LINGO2: variants seen among roughly 807,000 people sequenced by gnomAD.
LINGO2 encodes leucine rich repeat and Ig domain containing 2.
In LINGO2, 14 loss-of-function variants were observed where a neutral mutation model predicts 30.6. The ratio of observed to expected loss-of-function variants is 0.46; its 90% confidence interval spans 0.30 to 0.72. The LOEUF is 0.72. Among genes scored for constraint, LINGO2 ranks in the 30% least tolerant of loss-of-function variants. The pLI is 0.07. For synonymous variants in LINGO2, 317 were observed against 288.5 expected, an observed-to-expected ratio of 1.10 and a Z score of -1.00; for missense variants, 729 against 751.7, an observed-to-expected ratio of 0.97 and a Z score of 0.35.
chr9:29,113,517 A>C, the LINGO2 span, among the ~76,000 whole-genome samples: 1 of 152,194 alleles, frequency 6.6e-6, no homozygotes, highest in Non-Finnish European at 1.5e-5. Flanking sequence ...CTGAGGATTC[A>C]CAGAACAAAC....
intron 4 of LINGO2, among the ~76,000 whole-genome samples, chr9:28,092,656 C>A (rs1381190600): frequency 2.0e-5 from 3 of 151,690 alleles, no homozygotes; most frequent in African/African-American, 7.3e-5. Context: ...TGTAACAAAC[C>A]TGCACGTTGT....
chr9:28,797,349 T>TAGAG, the LINGO2 span, among the ~76,000 whole-genome samples: 132 of 64,462 alleles, frequency 2.0e-3, 1 homozygote, highest in Non-Finnish European at 3.0e-3. Context: ...TATATATATA[T>TAGAG]ATATATATAT....
At chr9:29,209,442 T>C in the LINGO2 span, among the ~76,000 whole-genome samples, 5 of 152,308 alleles carry the variant, frequency 3.3e-5, no homozygotes, top group South Asian at 6.2e-4. Flanking sequence ...CTGACCATTA[T>C]AAAGTAACTG....
the LINGO2 span, among the ~76,000 whole-genome samples, chr9:29,119,535 T>C: frequency 6.6e-6 from 1 of 151,292 alleles, no homozygotes; most frequent in Non-Finnish European, 1.5e-5. Context: ...AGAATTGCTA[T>C]AATAAGTTCC....
At chr9:29,102,303 G>A in the LINGO2 span, among the ~76,000 whole-genome samples, 2 of 152,100 alleles carry the variant, frequency 1.3e-5, no homozygotes, top group East Asian at 3.9e-4. Context: ...GTATGGTCTC[G>A]ATCTCCTGAT....
chr9:28,949,329 G>T, the LINGO2 span, among the ~76,000 whole-genome samples: 1 of 151,886 alleles, frequency 6.6e-6, no homozygotes, highest in Admixed American at 6.6e-5. Flanking sequence ...CTGGGTTTTT[G>T]AAAAGATTAA....
At chr9:28,512,046 C>G (rs538798486) in intron 1 of LINGO2, among the ~76,000 whole-genome samples, 1 of 142,530 alleles carries the variant, frequency 7.0e-6, no homozygotes, top group Non-Finnish European at 1.5e-5. Flanking sequence ...GGATGGCAGG[C>G]GTGGAGGCCA....
At chr9:28,059,530 T>C (rs969971878) in intron 4 of LINGO2, among the ~76,000 whole-genome samples, 1 of 152,116 alleles carries the variant, frequency 6.6e-6, no homozygotes, top group African/African-American at 2.4e-5. Flanking sequence ...CAGGGAATGC[T>C]ATGTAACCAG....
At chr9:29,046,573 C>T in the LINGO2 span, among the ~76,000 whole-genome samples, 2 of 152,080 alleles carry the variant, frequency 1.3e-5, no homozygotes, top group Non-Finnish European at 2.9e-5. Context: ...CCCTTTCTTA[C>T]ACCAAACACA....
rs373264981 is a variant in LINGO2, at chr9:27,966,963, A to G, written c.-35-16257T>C. Among the ~76,000 whole-genome samples the G allele has an allele frequency of 3.3e-5, 5 of 152,254 alleles. No homozygotes were observed. In the South Asian group the frequency reaches 6.2e-4, roughly 19 times the overall value. On this transcript the variant is annotated intron_variant, in intron 5 of 5. Coordinates refer to ENST00000379992, the Ensembl canonical transcript of LINGO2. ...GTAGTTTTCCCTTGCAGATTCTTCA[A>G]TTTTATCGATTGTTCCATGAAAAAC...
chr9:28,968,952 T>A, the LINGO2 span, among the ~76,000 whole-genome samples: 1 of 152,182 alleles, frequency 6.6e-6, no homozygotes, highest in African/African-American at 2.4e-5. Flanking sequence ...TAGTGATTCT[T>A]ATCAGAAGTC....
At chr9:28,892,220 A>G in the LINGO2 span, among the ~76,000 whole-genome samples, 1 of 152,004 alleles carries the variant, frequency 6.6e-6, no homozygotes, top group African/African-American at 2.4e-5. Context: ...ACAAGCAGTC[A>G]TAATGTACTG....
At chr9:28,638,155 A>G (rs561009820) in intron 1 of LINGO2, among the ~76,000 whole-genome samples, 187 of 152,328 alleles carry the variant, frequency 1.2e-3, no homozygotes, top group Non-Finnish European at 2.1e-3. Context: ...CCAGCCTTGC[A>G]TCCCAGGGAT....
At chr9:28,966,115 C>T in the LINGO2 span, among the ~76,000 whole-genome samples, 1 of 152,098 alleles carries the variant, frequency 6.6e-6, no homozygotes, top group Non-Finnish European at 1.5e-5. Context: ...GCCCCTTAGG[C>T]TTGTTGACAT....
the LINGO2 span, among the ~76,000 whole-genome samples, chr9:28,716,587 G>A: frequency 2.0e-5 from 3 of 152,038 alleles, no homozygotes; most frequent in Non-Finnish European, 4.4e-5. Flanking sequence ...AACAGATTGT[G>A]CAGTGTATTC....
chr9:28,812,631 G>T, the LINGO2 span, among the ~76,000 whole-genome samples: 1 of 152,154 alleles, frequency 6.6e-6, no homozygotes, highest in African/African-American at 2.4e-5. Context: ...TCCTAAGAGA[G>T]AATCTAATAT....
At chr9:28,786,129 T>G in the LINGO2 span, among the ~76,000 whole-genome samples, 6 of 152,328 alleles carry the variant, frequency 3.9e-5, no homozygotes, top group African/African-American at 1.2e-4. Context: ...TAGGTAATAC[T>G]CAATGGCAAT....
At chr9:28,031,411 G>C (rs1823664416) in intron 4 of LINGO2, among the ~76,000 whole-genome samples, 1 of 151,120 alleles carries the variant, frequency 6.6e-6, no homozygotes, top group African/African-American at 2.4e-5. Flanking sequence ...TATATTTATG[G>C]GTTACAATAT....
chr9:28,622,015 TTTTTTAA>T (rs1470406569), intron 1 of LINGO2, among the ~76,000 whole-genome samples: 1 of 152,086 alleles, frequency 6.6e-6, no homozygotes, highest in Non-Finnish European at 1.5e-5. Flanking sequence ...GAATTTATTC[TTTTTTAA>T]TTTTTAATTT....
Sources: allele counts gnomAD v4.1 joint callset (sites outside exome capture counted in the v4.1 genomes callset), GRCh38; gene constraint gnomAD v4.1.1; transcripts MANE v1.5; gene names NCBI Gene and HGNC (gene_info 2026-07-23, HGNC 2026-07-21).